The following HDAC4 variants were observed in gnomAD, a reference collection of about 807,000 sequenced individuals.
HDAC4 encodes the protein histone deacetylase A.
Under a neutral mutation model 135.1 loss-of-function variants are expected in HDAC4, and 16 were observed. That is an observed-to-expected ratio of 0.12 (90% CI 0.08 to 0.18). The LOEUF is 0.18. HDAC4 is among the 10% of genes least tolerant of loss of function. The pLI is 1.00. For missense variants in HDAC4, 1,143 were observed against 1,511.8 expected, an observed-to-expected ratio of 0.76 and a Z score of 4.05; for synonymous variants, 685 against 653.4, an observed-to-expected ratio of 1.05 and a Z score of -0.74.
At chr2:239,094,235 G>T in intron 17 of HDAC4, 5 of 985,404 alleles carry the variant, frequency 5.1e-6, no homozygotes, top group South Asian at 9.4e-5. Context: ...GGCCGCCCTC[G>T]CTATTGCCAC....
At chr2:239,186,097 G>A (rs539921065) in intron 4 of HDAC4, among the ~76,000 whole-genome samples, 4 of 152,132 alleles carry the variant, frequency 2.6e-5, no homozygotes, top group Admixed American at 6.5e-5. Flanking sequence ...CCTGGGATCC[G>A]CTTCTTGGTG....
At chr2:239,104,396 T>G (rs1174646381) in intron 15 of HDAC4, among the ~76,000 whole-genome samples, 2 of 152,142 alleles carry the variant, frequency 1.3e-5, no homozygotes, top group African/African-American at 2.4e-5. Flanking sequence ...ACCTGGCTAA[T>G]TTTTGTATTT....
At chr2:239,366,295 G>A (rs1694211580) in intron 1 of HDAC4, among the ~76,000 whole-genome samples, 1 of 152,264 alleles carries the variant, frequency 6.6e-6, no homozygotes, top group African/African-American at 2.4e-5. Flanking sequence ...GGTCACGCGT[G>A]TGGCACTGGC....
chr2:239,358,439 A>G (rs971946847), intron 1 of HDAC4, among the ~76,000 whole-genome samples: 1 of 151,990 alleles, frequency 6.6e-6, no homozygotes, highest in African/African-American at 2.4e-5. Context: ...TTACTTTCTG[A>G]TTTTACAAGA....
At chr2:239,111,487 C>T (rs909890729) in intron 14 of HDAC4, 39 bp downstream of exon 14, 10 of 1,581,948 alleles carry the variant, frequency 6.3e-6, no homozygotes, top group Admixed American at 5.2e-5. Context: ...CACTGTGGCC[C>T]GCGTTGCACC....
At chr2:239,214,467 G>T (rs553889231) in intron 3 of HDAC4, among the ~76,000 whole-genome samples, 2 of 152,194 alleles carry the variant, frequency 1.3e-5, no homozygotes, top group African/African-American at 4.8e-5. Flanking sequence ...CAGTCACAGG[G>T]GCTGAGGATT....
intron 17 of HDAC4, chr2:239,094,404 T>A: frequency 1.6e-6 from 1 of 622,696 alleles, no homozygotes; most frequent in Non-Finnish European, 1.9e-6. Context: ...CAGGTCCATA[T>A]CATCAGCTCG....
intron 20 of HDAC4, among the ~76,000 whole-genome samples, 195 bp downstream of exon 20, chr2:239,083,960 C>T (rs2035607078): frequency 6.6e-6 from 1 of 152,250 alleles, no homozygotes; most frequent in South Asian, 2.1e-4. Flanking sequence ...CCCCATTCGC[C>T]AGGGTCGGCT....
chr2:239,095,673 C>T (rs773503237), intron 16 of HDAC4, among the ~76,000 whole-genome samples: 21 of 152,274 alleles, frequency 1.4e-4, no homozygotes, highest in African/African-American at 3.6e-4. Flanking sequence ...TCGGGGCCCT[C>T]GAAACCCCCA....
rs2038685302 is a variant in HDAC4, at chr2:239,111,699, A to G, written c.1805T>C (p.Leu602Pro). 6.3e-7 allele frequency: 1 copy of G among 1,599,462 alleles called. No homozygotes were observed. Among genetic ancestry groups the G allele is most frequent in the Non-Finnish European group, 8.5e-7 (1 of 1,173,682 alleles). ...CAGCTGGTGGATCCGCTGCTGCTCC[A>G]GCAGGAGGGCTTGCTGCGGGGAAGA... ...ELLFRQQALL[L>P]EQQRIHQLRN... Residue 602 changes from leucine (L) to proline (P), a missense_variant, in exon 14 of 27, where the codon CTG becomes CCG. Transcript: ENST00000543185.
intron 2 of HDAC4, among the ~76,000 whole-genome samples, chr2:239,283,407 C>A (rs1205841760): frequency 6.6e-6 from 1 of 152,240 alleles, no homozygotes; most frequent in Admixed American, 6.5e-5. Context: ...AGCCTGGTCT[C>A]ATGGCTACCG....
chr2:239,348,098 T>C, intron 2 of HDAC4, among the ~76,000 whole-genome samples: 2 of 144,724 alleles, frequency 1.4e-5, no homozygotes, highest in Non-Finnish European at 3.0e-5. Flanking sequence ...ATCCACTGCT[T>C]CCTATCGAGA....
At chr2:239,325,167 A>G (rs910447100) in intron 2 of HDAC4, among the ~76,000 whole-genome samples, 1 of 152,242 alleles carries the variant, frequency 6.6e-6, no homozygotes, top group South Asian at 2.1e-4. Context: ...GTTAGTCTTC[A>G]TGACCTTGGA....
intron 3 of HDAC4, among the ~76,000 whole-genome samples, chr2:239,197,847 T>G (rs1456426567): frequency 7.1e-6 from 1 of 140,124 alleles, no homozygotes; most frequent in Non-Finnish European, 1.5e-5. Flanking sequence ...CACTAAAAGT[T>G]TGTGTGTGTG....
rs575967785 is a variant in HDAC4, at chr2:239,115,395, C to T, written c.1534-85G>A. The T allele has an allele frequency of 1.9e-6, 3 of 1,541,278 alleles. No homozygotes were observed. Among genetic ancestry groups the T allele is most frequent in the Non-Finnish European group, 2.7e-6 (3 of 1,124,364 alleles). On this transcript the variant is annotated intron_variant, in intron 12 of 26. Coordinates refer to ENST00000543185, the MANE Select transcript of HDAC4 (RefSeq NM_001378414.1). The surrounding 1 kb of genome is among the most constrained non-coding windows in gnomAD (Gnocchi z 6.3). ...AGGAGAAGGGATGCTGCAAACCCCA[C>T]CCTCTGGGGCAGACAATCAGGGACT...
rs565403337 is a variant in HDAC4 at position 239,132,979 on chromosome 2, TG to T, written c.1294+1265del. On this transcript the variant is annotated intron_variant, in intron 11 of 26. Coordinates refer to ENST00000543185, the MANE Select transcript of HDAC4 (RefSeq NM_001378414.1). The stretch of plus-strand genomic sequence containing the variant: ...AGAGAGATCCGCGTGCCTGCCACTG[TG>T]GCCGCAGCTCAGAGAGGCACTGTGA... 4.5e-3 allele frequency among the ~76,000 whole-genome samples: 693 copies of T among 152,308 alleles called. 3 individuals are homozygous for T. Among genetic ancestry groups the T allele is most frequent in the Admixed American group, 7.4e-3 (113 of 15,304 alleles).
At chr2:239,217,177 C>T (rs2046687990) in intron 3 of HDAC4, among the ~76,000 whole-genome samples, 1 of 152,200 alleles carries the variant, frequency 6.6e-6, no homozygotes, top group Non-Finnish European at 1.5e-5. Flanking sequence ...AGAGCCTGAA[C>T]ACAGCACAGG....
chr2:239,186,465 T>C (rs1437206038), intron 4 of HDAC4: 3 of 152,242 alleles, frequency 2.0e-5, no homozygotes, highest in Admixed American at 1.3e-4. Context: ...CAAATGGCTT[T>C]TATAATCTCT....
chr2:239,308,073 C>T lies in HDAC4; in HGVS notation c.22+44605G>A, dbSNP rs989022010. Among the ~76,000 whole-genome samples the T allele has an allele frequency of 2.0e-5, 3 of 152,200 alleles. No individual in the cohort carries two copies. Among genetic ancestry groups the T allele is most frequent in the East Asian group, 1.9e-4 (1 of 5,186 alleles). On this transcript the variant is annotated intron_variant, in intron 2 of 26. Coordinates refer to ENST00000543185, the MANE Select transcript of HDAC4 (RefSeq NM_001378414.1). This position sits in a 1 kb window ranked among gnomAD's most constrained non-coding sequence, Gnocchi z 4.2. Reference sequence around the variant, plus strand: ...CCATCCCACCCCCAACGGTGAGAGCCGGGCCCATCACAAGCCCTCTCTGGG... The same window carrying T: ...CCATCCCACCCCCAACGGTGAGAGCTGGGCCCATCACAAGCCCTCTCTGGG...
Sources: allele counts gnomAD v4.1 joint callset (sites outside exome capture counted in the v4.1 genomes callset), GRCh38; gene constraint gnomAD v4.1.1; non-coding constraint Gnocchi (gnomAD v3.1); transcripts MANE v1.5; gene names NCBI Gene and HGNC (gene_info 2026-07-23, HGNC 2026-07-21).